The following ROBO1 variants were observed in gnomAD, a reference collection of about 807,000 sequenced individuals.
The protein encoded by ROBO1 is roundabout guidance receptor 1, also known as roundabout homolog 1.
A neutral mutation model predicts 195.9 loss-of-function variants in ROBO1; 149 were observed. That is an observed-to-expected ratio of 0.76 (90% confidence interval 0.67 to 0.87). The LOEUF (loss-of-function observed/expected upper bound fraction) is 0.87. ROBO1 is among the 40% of genes least tolerant of loss of function. The pLI, the probability that ROBO1 is intolerant of heterozygous loss-of-function variation, is 0.00. For missense variants in ROBO1, 1,933 were observed against 2,068.3 expected (o/e 0.93, Z 1.27); for synonymous variants, 816 against 733.2 (o/e 1.11, Z -1.82).
intron 2 of ROBO1, among the ~76,000 whole-genome samples, chr3:79,575,288 A>G (rs1269115033): frequency 7.8e-6 from 1 of 127,448 alleles, no homozygotes; most frequent in Non-Finnish European, 1.6e-5. Flanking sequence ...ATATATAAAT[A>G]TATATAACAA....
chr3:79,711,736 T>C (rs1192170388), intron 1 of ROBO1, among the ~76,000 whole-genome samples: 1 of 152,110 alleles, frequency 6.6e-6, no homozygotes, highest in Non-Finnish European at 1.5e-5. Flanking sequence ...ATTTTACAAG[T>C]TGAAGTTTTG....
At chr3:79,338,162 T>G (rs2034755630) in intron 2 of ROBO1, among the ~76,000 whole-genome samples, 2 of 152,208 alleles carry the variant, frequency 1.3e-5, no homozygotes, top group African/African-American at 4.8e-5. Context: ...TGTTGTTTAT[T>G]GTTAACTTTG....
At chr3:79,009,436 A>G (rs1278195981) in intron 3 of ROBO1, among the ~76,000 whole-genome samples, 2 of 152,182 alleles carry the variant, frequency 1.3e-5, no homozygotes, top group Non-Finnish European at 1.5e-5. Flanking sequence ...ATAAATATAC[A>G]ATCCCATCTA....
chr3:79,068,591 C>G (rs984872755), intron 3 of ROBO1, among the ~76,000 whole-genome samples: 1 of 151,754 alleles, frequency 6.6e-6, no homozygotes, highest in Admixed American at 6.6e-5. Flanking sequence ...AATCTATTCC[C>G]CATTCCATAA....
chr3:78,740,864 C>T (rs2082515289), intron 5 of ROBO1, among the ~76,000 whole-genome samples: 1 of 152,112 alleles, frequency 6.6e-6, no homozygotes, highest in African/African-American at 2.4e-5. Context: ...ATTCAATAAA[C>T]ATATCATATA....
At chr3:79,393,718 C>A in intron 2 of ROBO1, among the ~76,000 whole-genome samples, 1 of 152,082 alleles carries the variant, frequency 6.6e-6, no homozygotes, top group East Asian at 1.9e-4. Flanking sequence ...GGCTATGCTT[C>A]ACTGCAGCCT....
At chr3:79,177,597 A>T (rs918163459) in intron 2 of ROBO1, among the ~76,000 whole-genome samples, 8 of 152,234 alleles carry the variant, frequency 5.3e-5, no homozygotes, top group Admixed American at 5.2e-4. Context: ...GAGCTATCTT[A>T]TCTTACACTC....
At chr3:79,713,968 C>T (rs891976397) in intron 1 of ROBO1, among the ~76,000 whole-genome samples, 1 of 152,054 alleles carries the variant, frequency 6.6e-6, no homozygotes, top group Non-Finnish European at 1.5e-5. Flanking sequence ...TGTTTTGTTA[C>T]CAGTACCATG....
At chr3:79,761,067 T>C (rs1021714657) in intron 1 of ROBO1, among the ~76,000 whole-genome samples, 6 of 148,344 alleles carry the variant, frequency 4.0e-5, no homozygotes, top group Non-Finnish European at 4.5e-5. Flanking sequence ...ATATATGCAC[T>C]ATATTATATA....
intron 4 of ROBO1, among the ~76,000 whole-genome samples, chr3:78,923,685 A>T (rs1290433569): frequency 1.3e-5 from 2 of 152,088 alleles, no homozygotes; most frequent in Non-Finnish European, 2.9e-5. Flanking sequence ...CAGCTCATCA[A>T]CTCAAGCTGC....
chr3:78,748,272 C>T (rs1242980276), intron 4 of ROBO1, among the ~76,000 whole-genome samples: 1 of 151,978 alleles, frequency 6.6e-6, no homozygotes, highest in African/African-American at 2.4e-5. Context: ...ATGGAGAAAC[C>T]CTGTCTCTAC....
At chr3:79,695,687 A>T in intron 1 of ROBO1, among the ~76,000 whole-genome samples, 1 of 151,416 alleles carries the variant, frequency 6.6e-6, no homozygotes, top group Non-Finnish European at 1.5e-5. Context: ...GCCTATTAAC[A>T]AAGAATTATG....
At chr3:78,991,701 T>C (rs2077241782) in intron 3 of ROBO1, among the ~76,000 whole-genome samples, 1 of 152,150 alleles carries the variant, frequency 6.6e-6, no homozygotes, top group South Asian at 2.1e-4. Flanking sequence ...TAATTCCACA[T>C]GGGAATCAGT....
chr3:79,019,147 A>T, intron 3 of ROBO1: 3 of 986,416 alleles, frequency 3.0e-6, no homozygotes, highest in Non-Finnish European at 3.6e-6. Context: ...AGGACCGCGG[A>T]CACTCGCACG....
At chr3:79,654,903 G>A (rs967505980) in intron 1 of ROBO1, among the ~76,000 whole-genome samples, 2 of 151,802 alleles carry the variant, frequency 1.3e-5, no homozygotes, top group African/African-American at 2.4e-5. Flanking sequence ...CTACATCACC[G>A]CCTCTTAGGT....
At chr3:79,554,321 G>A (rs952800066) in intron 2 of ROBO1, among the ~76,000 whole-genome samples, 2 of 152,002 alleles carry the variant, frequency 1.3e-5, no homozygotes, top group Non-Finnish European at 2.9e-5. Flanking sequence ...TGTAAAAAGT[G>A]TAATTCTTTC....
chr3:78,614,840 AG>A, intron 27 of ROBO1, 40 bp from the exon 28 acceptor site: 1 of 1,523,310 alleles, frequency 6.6e-7, no homozygotes, highest in Non-Finnish European at 8.8e-7. Flanking sequence ...CAAACTCATC[AG>A]TGAATTTTAA....
chr3:78,860,941 C>T (rs530026947), intron 4 of ROBO1, among the ~76,000 whole-genome samples: 2 of 152,270 alleles, frequency 1.3e-5, no homozygotes, highest in South Asian at 4.1e-4. Context: ...ACCTCATTTT[C>T]ATATGTGGTT....
chr3:78,788,680 A>T (rs1004837670), intron 4 of ROBO1, among the ~76,000 whole-genome samples: 2 of 151,914 alleles, frequency 1.3e-5, no homozygotes, highest in African/African-American at 4.8e-5. Context: ...TTTAGTTTTG[A>T]TTTGTTTTGT....
Sources: gnomAD v4.1 joint callset for allele counts (sites outside exome capture counted in the v4.1 genomes callset) on GRCh38, gnomAD v4.1.1 for gene constraint, MANE v1.5 for transcripts, NCBI Gene and HGNC (gene_info 2026-07-23, HGNC 2026-07-21) for gene names.